The following SPIRE1 variants were observed in gnomAD, a reference collection of about 807,000 sequenced individuals.
SPIRE1 encodes the protein protein spire homolog 1.
In SPIRE1, 40 loss-of-function variants were observed where a neutral mutation model predicts 94.1. The observed-to-expected ratio is 0.43, with a 90% CI of 0.33 to 0.55. SPIRE1 has a LOEUF of 0.55. SPIRE1 is among the 20% of genes least tolerant of loss of function. SPIRE1 has a pLI of 0.06. For synonymous variants in SPIRE1, 376 were observed against 371.7 expected (o/e 1.01, Z -0.13); for missense variants, 838 against 975.2 (o/e 0.86, Z 1.87).
Position 12,589,549 on chromosome 18 carries a change from A to G in SPIRE1, c.373-42645T>C, listed in dbSNP as rs916606402. The stretch of plus-strand genomic sequence containing the variant: ...CAGGATACATAAAATGTTTTCCCTC[A>G]GTACCAGGTGCACTTAGGTAAAAGG... On this transcript the variant is annotated intron_variant, in intron 2 of 16. Transcript: ENST00000409402. Among the ~76,000 whole-genome samples, 17 of 152,370 alleles carry G rather than the reference A, an allele frequency of 1.1e-4. 1 individual carries two copies. Among genetic ancestry groups the G allele is most frequent in the Admixed American group, 1.0e-3 (16 of 15,312 alleles).
intron 2 of SPIRE1, among the ~76,000 whole-genome samples, chr18:12,626,886 A>ATATT (rs55915333): frequency 0.11 from 12,370 of 111,612 alleles, 1,062 homozygotes; most frequent in Middle Eastern, 0.17. Flanking sequence ...ATATATATAT[A>ATATT]TTTTTTTTTT....
intron 11 of SPIRE1, 95 bp from the exon 12 acceptor site, chr18:12,463,588 T>C: frequency 9.7e-7 from 1 of 1,028,444 alleles, no homozygotes; most frequent in South Asian, 1.7e-5. Flanking sequence ...CAAAGATGAA[T>C]TATTTATTTC....
At chr18:12,488,163 G>A (rs2033103628) in intron 8 of SPIRE1, among the ~76,000 whole-genome samples, 1 of 152,162 alleles carries the variant, frequency 6.6e-6, no homozygotes, top group Non-Finnish European at 1.5e-5. Context: ...ACTGAATATC[G>A]TTTGCCATAT....
In SPIRE1 at chr18:12,450,006, G is replaced by A. The variant is rs1454622521; in HGVS notation, c.2013-110C>T. On this transcript the variant is annotated intron_variant, in intron 16 of 16. Transcript: ENST00000409402. ...ATTTGTTGTCAAAACATCATGGAATGGATGAGTGATTTAATCATATGTCCT... is the reference window on the plus strand; with the variant it reads ...ATTTGTTGTCAAAACATCATGGAATAGATGAGTGATTTAATCATATGTCCT... 11 of 1,114,476 alleles carry A rather than the reference G, an allele frequency of 9.9e-6. No individual in the cohort carries two copies. The Admixed American group carries it at 1.0e-4, about 10-fold the overall frequency. The allele number at this position is 1,114,476 out of a possible 1,614,324, so 69.0% of individuals were successfully genotyped here.
At chr18:12,658,163 C>G (rs924994647), upstream of SPIRE1, 188 of 920,888 alleles carry the variant, frequency 2.0e-4, no homozygotes, top group Non-Finnish European at 2.5e-4. Flanking sequence ...CCAGCGCCCG[C>G]CCCTTAGGGG....
intron 2 of SPIRE1, among the ~76,000 whole-genome samples, chr18:12,615,194 G>T (rs2144705207): frequency 6.7e-6 from 1 of 149,904 alleles, no homozygotes; most frequent in South Asian, 2.1e-4. Flanking sequence ...TGGGCGTGGT[G>T]GCACACACCT....
At chr18:12,597,157 T>TACACAC (rs58238813) in intron 2 of SPIRE1, among the ~76,000 whole-genome samples, 4,161 of 144,044 alleles carry the variant, frequency 0.029, 75 homozygotes, top group Admixed American at 0.039. Context: ...TGTCTCTTTC[T>TACACAC]ACACACACAC....
At chr18:12,472,366 G>GATTT (rs1300837008) in intron 10 of SPIRE1, among the ~76,000 whole-genome samples, 1 of 147,126 alleles carries the variant, frequency 6.8e-6, no homozygotes, top group African/African-American at 2.5e-5. Flanking sequence ...CATGCCCTGT[G>GATTT]CTTTTTTTTT....
intron 2 of SPIRE1, among the ~76,000 whole-genome samples, chr18:12,575,967 G>A (rs539038166): frequency 6.6e-6 from 1 of 152,330 alleles, no homozygotes; most frequent in African/African-American, 2.4e-5. Flanking sequence ...ACTTCGGGAG[G>A]CCCAGGCGGG....
intron 2 of SPIRE1, among the ~76,000 whole-genome samples, chr18:12,618,670 A>G (rs1326380173): frequency 2.0e-5 from 3 of 152,208 alleles, no homozygotes; most frequent in Non-Finnish European, 4.4e-5. Context: ...AATGGGCCAA[A>G]CCGAAAAGTT....
chr18:12,612,822 C>T (rs1449113503), intron 2 of SPIRE1, among the ~76,000 whole-genome samples: 3 of 152,180 alleles, frequency 2.0e-5, no homozygotes, highest in East Asian at 1.9e-4. Flanking sequence ...GTCTGAAATG[C>T]TCTTCCCCCA....
At chr18:12,486,642 C>T (rs1212523594) in intron 8 of SPIRE1, among the ~76,000 whole-genome samples, 3 of 152,136 alleles carry the variant, frequency 2.0e-5, no homozygotes, top group African/African-American at 7.2e-5. Context: ...GCTTTAGTTA[C>T]TTCATCTGTA....
intron 2 of SPIRE1, among the ~76,000 whole-genome samples, chr18:12,600,432 T>G (rs1248899406): frequency 6.6e-6 from 1 of 152,248 alleles, no homozygotes; most frequent in Non-Finnish European, 1.5e-5. Flanking sequence ...TATTTTTGCC[T>G]TTGAAATCAA....
intron 16 of SPIRE1, chr18:12,450,597 C>A (rs1294179585): frequency 3.6e-6 from 2 of 549,046 alleles, no homozygotes; most frequent in African/African-American, 3.9e-5. Context: ...AGGTGGAAGA[C>A]AATGTCTGGG....
intron 16 of SPIRE1, chr18:12,451,020 A>G: frequency 1.8e-6 from 1 of 555,228 alleles, no homozygotes; most frequent in Non-Finnish European, 3.3e-6. Context: ...GAAAAGGAAG[A>G]AGGAGGGGAG....
chr18:12,461,403 TATACAC>T (rs2031789558), intron 12 of SPIRE1, among the ~76,000 whole-genome samples: 2 of 118,568 alleles, frequency 1.7e-5, no homozygotes, highest in African/African-American at 6.7e-5. Flanking sequence ...CCCTCTTACC[TATACAC>T]ATGTATGTGT....
chr18:12,530,649 G>A (rs566477141), intron 4 of SPIRE1, among the ~76,000 whole-genome samples: 2 of 152,220 alleles, frequency 1.3e-5, no homozygotes, highest in African/African-American at 2.4e-5. Context: ...GTAAACAGAA[G>A]TCTTGCAAAT....
intron 1 of SPIRE1, 59 bp from the exon 2 acceptor site, chr18:12,635,155 T>C: frequency 1.1e-6 from 1 of 916,862 alleles, no homozygotes; most frequent in Non-Finnish European, 1.7e-6. Context: ...AAATCATTGA[T>C]AAAAATATTT....
intron 1 of SPIRE1, among the ~76,000 whole-genome samples, chr18:12,647,003 G>C (rs1443658172): frequency 6.7e-6 from 1 of 148,336 alleles, no homozygotes; most frequent in Non-Finnish European, 1.5e-5. Context: ...AAGATCGCAG[G>C]ATTGCCCTCC....
Sources: gnomAD v4.1 joint callset for allele counts (sites outside exome capture counted in the v4.1 genomes callset) on GRCh38, gnomAD v4.1.1 for gene constraint, MANE v1.5 for transcripts, NCBI Gene and HGNC (gene_info 2026-07-23, HGNC 2026-07-21) for gene names.